The following SRGAP2 variants were observed in gnomAD, a reference collection of about 807,000 sequenced individuals.
The protein encoded by SRGAP2 is SLIT-ROBO Rho GTPase-activating protein 2.
Under a neutral mutation model 57.2 loss-of-function variants are expected in SRGAP2, and 15 were observed. The ratio of observed to expected loss-of-function variants is 0.26; its 90% CI spans 0.18 to 0.40. The LOEUF (loss-of-function observed/expected upper bound fraction) is 0.40, where lower values mean the gene tolerates loss of function less well. Ranked by LOEUF, SRGAP2 falls within the 10% of genes least tolerant of loss-of-function variation. SRGAP2 has a pLI of 1.00. For missense variants in SRGAP2, 520 were observed against 669.6 expected (o/e 0.78, Z 2.47); for synonymous variants, 249 against 248.0 (o/e 1.00, Z -0.04).
intron 3 of SRGAP2, among the ~76,000 whole-genome samples, chr1:206,321,102 CT>C (rs1553327521): frequency 6.9e-6 from 1 of 144,412 alleles, no homozygotes; most frequent in Non-Finnish European, 1.5e-5. Flanking sequence ...TGTCTTATCT[CT>C]TTACTTTCCT....
chr1:206,347,691 T>A (rs1233228772), intron 4 of SRGAP2, among the ~76,000 whole-genome samples: 1 of 151,142 alleles, frequency 6.6e-6, no homozygotes, highest in African/African-American at 2.5e-5. Context: ...TAGGATTCTC[T>A]AAGTATGTTG....
At chr1:206,413,202 G>C (rs1659368886) in intron 10 of SRGAP2, among the ~76,000 whole-genome samples, 1 of 152,180 alleles carries the variant, frequency 6.6e-6, no homozygotes, top group African/African-American at 2.4e-5. Context: ...TGTTTTGAAG[G>C]TTACAGCTTC....
At chr1:206,370,901 C>T (rs1480659607) in intron 4 of SRGAP2, among the ~76,000 whole-genome samples, 8 of 151,474 alleles carry the variant, frequency 5.3e-5, no homozygotes, top group African/African-American at 1.9e-4. Context: ...CATACTGAAG[C>T]TCAGAGAGAT....
At chr1:206,366,405 C>T (rs1374048911) in intron 4 of SRGAP2, among the ~76,000 whole-genome samples, 2 of 152,150 alleles carry the variant, frequency 1.3e-5, no homozygotes, top group Non-Finnish European at 2.9e-5. Context: ...TTGAGGAGCC[C>T]TGTAGCGCCT....
At chr1:206,436,679 C>T (rs1478906668) in intron 14 of SRGAP2, among the ~76,000 whole-genome samples, 4 of 152,148 alleles carry the variant, frequency 2.6e-5, no homozygotes, top group Admixed American at 1.3e-4. Flanking sequence ...CTTTGCTTTA[C>T]AGATGGGAAA....
intron 4 of SRGAP2, among the ~76,000 whole-genome samples, chr1:206,360,064 C>A (rs1344827099): frequency 2.6e-5 from 4 of 151,950 alleles, no homozygotes; most frequent in African/African-American, 9.7e-5. Flanking sequence ...CCTCGGCCTC[C>A]CAAAGTGCTG....
intron 12 of SRGAP2, 48 bp downstream of exon 12, chr1:206,419,448 G>A (rs1022583542): frequency 1.8e-5 from 14 of 780,238 alleles, no homozygotes; most frequent in Middle Eastern, 2.3e-4. Context: ...GGCTTGGTGG[G>A]TAGAGCAATC....
chr1:206,432,710 C>T lies in SRGAP2; in HGVS notation c.1555+2488C>T, dbSNP rs565817980. 1.6e-4 allele frequency among the ~76,000 whole-genome samples: 24 copies of T among 152,314 alleles called. No homozygotes were observed. The Middle Eastern group carries it at 0.014, about 86-fold the overall frequency. On this transcript the variant is annotated intron_variant, in intron 14 of 22. Coordinates refer to ENST00000573034, the MANE Select transcript of SRGAP2 (RefSeq NM_015326.5). Reference sequence around the variant, plus strand: ...GAATACTACAGATGCTCCTCGGCCTCTAATGGGGTTACGTACGCATAAATC... The same window carrying T: ...GAATACTACAGATGCTCCTCGGCCTTTAATGGGGTTACGTACGCATAAATC...
At chr1:206,414,830 C>A (rs1294084275) in intron 10 of SRGAP2, among the ~76,000 whole-genome samples, 1 of 152,150 alleles carries the variant, frequency 6.6e-6, no homozygotes, top group African/African-American at 2.4e-5. Context: ...TTGTTAGAGT[C>A]GAATGAGAGA....
chr1:206,365,511 T>G (rs1653904250), intron 4 of SRGAP2, among the ~76,000 whole-genome samples: 2 of 149,912 alleles, frequency 1.3e-5, no homozygotes, highest in Non-Finnish European at 3.0e-5. Flanking sequence ...CAACACACAT[T>G]CAAATCAGCT....
intron 4 of SRGAP2, among the ~76,000 whole-genome samples, chr1:206,381,225 C>T (rs1655681105): frequency 6.6e-6 from 1 of 152,100 alleles, no homozygotes; most frequent in Non-Finnish European, 1.5e-5. Context: ...TTCCCCCATC[C>T]CCCACTCTGG....
At chr1:206,256,746 A>G (rs1262499386) in intron 2 of SRGAP2, among the ~76,000 whole-genome samples, 1 of 151,854 alleles carries the variant, frequency 6.6e-6, no homozygotes, top group Non-Finnish European at 1.5e-5. Context: ...AATCTGGGTG[A>G]CAAAATCCAA....
chr1:206,275,639 A>G (rs1205263450), intron 2 of SRGAP2, among the ~76,000 whole-genome samples: 3 of 147,260 alleles, frequency 2.0e-5, no homozygotes, highest in Non-Finnish European at 4.5e-5. Flanking sequence ...TTTTTGAGAC[A>G]GAGTCTCACT....
chr1:206,272,345 C>G (rs1412284822), intron 2 of SRGAP2, among the ~76,000 whole-genome samples: 1 of 143,784 alleles, frequency 7.0e-6, no homozygotes, highest in African/African-American at 2.7e-5. Context: ...TAATGATTCT[C>G]TATTTTGAGT....
At chr1:206,240,195 G>A (rs557318109) in intron 2 of SRGAP2, among the ~76,000 whole-genome samples, 2 of 151,554 alleles carry the variant, frequency 1.3e-5, no homozygotes, top group Admixed American at 6.6e-5. Flanking sequence ...GAACCCGGGA[G>A]GCAGAGGTTG....
chr1:206,446,317 G>A lies in SRGAP2; in HGVS notation c.2099+18G>A, dbSNP rs368482017. 10 of 779,852 alleles carry A rather than the reference G, an allele frequency of 1.3e-5. No homozygotes were observed. The highest frequency in any genetic ancestry group is 2.4e-5 in the Non-Finnish European group (10 of 417,730). 48.3% of individuals were successfully genotyped at this position (779,852 alleles called of 1,614,324 possible). ...GATTACTGGTAGGGGGGCTTGGGAC[G>A]GGAGGAGGGGAGGGATTCACTAGCA... is the stretch of plus-strand genomic sequence containing the variant. On this transcript the variant is annotated intron_variant, in intron 18 of 22. Coordinates refer to ENST00000573034, the MANE Select transcript of SRGAP2 (RefSeq NM_015326.5).
intron 2 of SRGAP2, among the ~76,000 whole-genome samples, chr1:206,259,503 A>AT (rs1186875383): frequency 6.6e-6 from 1 of 151,748 alleles, no homozygotes; most frequent in South Asian, 2.1e-4. Flanking sequence ...AGCCCAGCTA[A>AT]TTTTTTTATT....
At chr1:206,220,401 G>A (rs1322558061) in intron 2 of SRGAP2, among the ~76,000 whole-genome samples, 1 of 152,186 alleles carries the variant, frequency 6.6e-6, no homozygotes, top group Admixed American at 6.5e-5. Context: ...AGCTAGCATT[G>A]TTTTCAGGGC....
Position 206,424,904 on chromosome 1 carries a change from C to T in SRGAP2, c.1494+3630C>T, listed in dbSNP as rs868906802. Among the ~76,000 whole-genome samples, 7 of 152,362 alleles carry T rather than the reference C, an allele frequency of 4.6e-5. 1 individual carries two copies. The Middle Eastern group carries it at 0.014, about 296-fold the overall frequency. The stretch of plus-strand genomic sequence containing the variant: ...GGAGCAGTGGGGACTAGAAAAATGC[C>T]TGTGCAGTAGGACAGGTCATCTTTA... On this transcript the variant is annotated intron_variant, in intron 13 of 22. Coordinates refer to ENST00000573034, the MANE Select transcript of SRGAP2 (RefSeq NM_015326.5).
Sources: gnomAD v4.1 joint callset for allele counts (sites outside exome capture counted in the v4.1 genomes callset) on GRCh38, gnomAD v4.1.1 for gene constraint, MANE v1.5 for transcripts, NCBI Gene and HGNC (gene_info 2026-07-23, HGNC 2026-07-21) for gene names.